The following SETBP1 variants were observed in gnomAD, a reference collection of about 807,000 sequenced individuals.
SETBP1 encodes SET-binding protein.
A neutral mutation model predicts 101.0 loss-of-function variants in SETBP1; 9 were observed. The ratio of observed to expected loss-of-function variants is 0.09; its 90% CI spans 0.05 to 0.16. The LOEUF (loss-of-function observed/expected upper bound fraction) is 0.16. Among genes scored for constraint, SETBP1 ranks in the 10% least tolerant of loss-of-function variants. The pLI is 1.00. For missense variants in SETBP1, 1,858 were observed against 2,033.8 expected (o/e 0.91, Z 1.66); for synonymous variants, 818 against 788.5 (o/e 1.04, Z -0.63).
intron 2 of SETBP1, among the ~76,000 whole-genome samples, chr18:44,702,904 GT>G (rs1354847882): frequency 6.6e-6 from 1 of 152,224 alleles, no homozygotes; most frequent in Non-Finnish European, 1.5e-5. Flanking sequence ...ACTCAACTTG[GT>G]TAGTTGTCAT....
chr18:45,033,464 T>C (rs567547287), intron 4 of SETBP1, among the ~76,000 whole-genome samples: 5 of 152,302 alleles, frequency 3.3e-5, no homozygotes, highest in African/African-American at 1.2e-4. Flanking sequence ...CAAAGCTCTT[T>C]GCAAGCTTAA....
At chr18:44,953,912 G>A (rs1310429464) in intron 4 of SETBP1, among the ~76,000 whole-genome samples, 1 of 152,172 alleles carries the variant, frequency 6.6e-6, no homozygotes, top group Non-Finnish European at 1.5e-5. Flanking sequence ...ATGGGCATTT[G>A]ATAAGCTGTC....
intron 2 of SETBP1, among the ~76,000 whole-genome samples, chr18:44,771,637 C>T (rs753677768): frequency 1.1e-4 from 16 of 152,116 alleles, no homozygotes; most frequent in Non-Finnish European, 2.1e-4. Context: ...CATGTGGATG[C>T]CATTCATCTC....
chr18:44,984,624 G>A (rs189468377), intron 4 of SETBP1, among the ~76,000 whole-genome samples: 1 of 152,258 alleles, frequency 6.6e-6, no homozygotes, highest in East Asian at 1.9e-4. Flanking sequence ...ATGAAGTGAT[G>A]TTGGCATTAT....
At chr18:44,703,556 C>G (rs77735638) in intron 2 of SETBP1, among the ~76,000 whole-genome samples, 2,468 of 151,916 alleles carry the variant, frequency 0.016, 40 homozygotes, top group Non-Finnish European at 0.025. Flanking sequence ...TGACTCCTCA[C>G]AGTTTGCCCA....
intron 5 of SETBP1, among the ~76,000 whole-genome samples, chr18:45,048,772 A>G (rs2073663313): frequency 6.6e-6 from 1 of 151,432 alleles, no homozygotes; most frequent in Admixed American, 6.6e-5. Flanking sequence ...GGAGATCGAG[A>G]CCATCCTGGC....
intron 2 of SETBP1, among the ~76,000 whole-genome samples, chr18:44,846,794 T>A (rs1276434242): frequency 6.6e-6 from 1 of 152,256 alleles, no homozygotes; most frequent in African/African-American, 2.4e-5. Context: ...ACTTCTTCAA[T>A]AACTGTTCCA....
rs1006487121 is a variant in SETBP1, at chr18:44,779,656, GCTAA to G, written c.486+77827_486+77830del. Among the ~76,000 whole-genome samples the G allele has an allele frequency of 4.5e-4, 68 of 152,214 alleles. 1 individual carries two copies. The highest frequency in any genetic ancestry group is 1.5e-3 in the African/African-American group (63 of 41,518). ...AGGTGGCTTACCTAGGCTGCCTCTG[GCTAA>G]CTGTCGAAGACTTTGTGCAAAGGGA... is the stretch of plus-strand genomic sequence containing the variant. On this transcript the variant is annotated intron_variant, in intron 2 of 5. Transcript: ENST00000649279.
intron 3 of SETBP1, among the ~76,000 whole-genome samples, chr18:44,883,218 G>A (rs568014351): frequency 2.0e-5 from 3 of 152,256 alleles, no homozygotes; most frequent in Admixed American, 1.3e-4. Context: ...TGGTAACATA[G>A]CCTCCACCAT....
At chr18:44,844,488 T>C (rs1291059365) in intron 2 of SETBP1, among the ~76,000 whole-genome samples, 2 of 152,182 alleles carry the variant, frequency 1.3e-5, no homozygotes, top group Non-Finnish European at 2.9e-5. Flanking sequence ...GTGTGGAACC[T>C]GAGTGTGTTG....
In SETBP1 at chr18:44,950,651, G is replaced by A; in HGVS notation, c.1311G>A (p.Leu437=). Residue 437 remains leucine (L), a synonymous_variant, in exon 4 of 6, where the codon TTG becomes TTA. Coordinates refer to ENST00000649279, the MANE Select transcript of SETBP1 (RefSeq NM_015559.3). Reference sequence around the variant, plus strand: ...AAAAGATCATGCCAGAGAAAGCCTTGGCTTCTGGAATCACCATGAGCAGTG... The same window carrying A: ...AAAAGATCATGCCAGAGAAAGCCTTAGCTTCTGGAATCACCATGAGCAGTG... ...VVEKIMPEKA[L]ASGITMSSEV... is the part of the protein sequence containing the mutation. 1 of 1,614,076 alleles carries A rather than the reference G, an allele frequency of 6.2e-7. No individual in the cohort carries two copies. The highest frequency in any genetic ancestry group is 1.1e-5 in the South Asian group (1 of 91,078).
At chr18:44,940,256 T>C (rs2071056541) in intron 3 of SETBP1, among the ~76,000 whole-genome samples, 1 of 152,210 alleles carries the variant, frequency 6.6e-6, no homozygotes, top group African/African-American at 2.4e-5. Flanking sequence ...TAAGCTGTCT[T>C]TGTATTTAAA....
At chr18:44,732,571 T>A (rs1277567399) in intron 2 of SETBP1, 2 of 152,274 alleles carry the variant, frequency 1.3e-5, no homozygotes, top group Non-Finnish European at 2.9e-5. Context: ...ATAAGTGCTC[T>A]GTAAACATGC....
At chr18:45,056,871 A>G (rs1395320620) in intron 5 of SETBP1, among the ~76,000 whole-genome samples, 1 of 152,242 alleles carries the variant, frequency 6.6e-6, no homozygotes, top group Non-Finnish European at 1.5e-5. Flanking sequence ...TAGGAGCAGA[A>G]CACAGACCAG....
intron 2 of SETBP1, among the ~76,000 whole-genome samples, chr18:44,815,350 C>G (rs1008070628): frequency 2.0e-5 from 3 of 152,186 alleles, no homozygotes; most frequent in Non-Finnish European, 4.4e-5. Context: ...TTGAACTGAA[C>G]TTTAAAGCGT....
At chr18:44,918,884 C>T (rs543987616) in intron 3 of SETBP1, among the ~76,000 whole-genome samples, 4 of 152,352 alleles carry the variant, frequency 2.6e-5, no homozygotes, top group African/African-American at 9.6e-5. Context: ...AGGGGAAACT[C>T]CCCTTTCCCT....
intron 4 of SETBP1, among the ~76,000 whole-genome samples, chr18:45,029,049 C>T (rs2073233386): frequency 6.6e-6 from 1 of 152,124 alleles, no homozygotes; most frequent in Non-Finnish European, 1.5e-5. Context: ...GCTTTTGTTG[C>T]CATTGTTTTT....
chr18:44,758,639 C>T (rs1326007950), intron 2 of SETBP1, among the ~76,000 whole-genome samples: 2 of 152,218 alleles, frequency 1.3e-5, no homozygotes, highest in East Asian at 3.9e-4. Context: ...GCCTTGACCT[C>T]CCAAAGTGCT....
intron 4 of SETBP1, among the ~76,000 whole-genome samples, chr18:44,958,258 A>G (rs1007448218): frequency 1.2e-4 from 18 of 152,246 alleles, no homozygotes; most frequent in African/African-American, 4.3e-4. Flanking sequence ...TAGTTGTTCA[A>G]TGAAGTTTGA....
Sources: gnomAD v4.1 joint callset for allele counts (sites outside exome capture counted in the v4.1 genomes callset) on GRCh38, gnomAD v4.1.1 for gene constraint, MANE v1.5 for transcripts, NCBI Gene and HGNC (gene_info 2026-07-23, HGNC 2026-07-21) for gene names.